SWT1: variants seen among roughly 807,000 people sequenced by gnomAD.
SWT1 encodes SWT1 RNA endoribonuclease homolog.
Under a neutral mutation model 107.3 loss-of-function variants are expected in SWT1, and 33 were observed. That is an observed-to-expected ratio of 0.31 (90% CI 0.23 to 0.41). The LOEUF (loss-of-function observed/expected upper bound fraction) is 0.41. SWT1 is among the 10% of genes least tolerant of loss of function. SWT1 has a pLI of 1.00. For missense variants in SWT1, 898 were observed against 1,028.9 expected (o/e 0.87, Z 1.74); for synonymous variants, 345 against 348.3 (o/e 0.99, Z 0.11).
At chr1:185,228,901 T>C (rs1473165994) in intron 15 of SWT1, among the ~76,000 whole-genome samples, 2 of 152,150 alleles carry the variant, frequency 1.3e-5, no homozygotes, top group Non-Finnish European at 2.9e-5. Context: ...AGAACATGTC[T>C]ATATACATTG....
At chr1:185,261,381 C>T (rs1663005334) in intron 16 of SWT1, among the ~76,000 whole-genome samples, 1 of 151,992 alleles carries the variant, frequency 6.6e-6, no homozygotes, top group Admixed American at 6.6e-5. Flanking sequence ...ATGTGTATAC[C>T]ACATTTTTCC....
intron 16 of SWT1, among the ~76,000 whole-genome samples, chr1:185,266,273 C>T (rs540026978): frequency 9.9e-5 from 15 of 152,160 alleles, no homozygotes; most frequent in East Asian, 1.9e-4. Context: ...ACCGTGTTAG[C>T]CAGGATGGTC....
chr1:185,161,922 T>G (rs534008203), intron 2 of SWT1, among the ~76,000 whole-genome samples: 1 of 152,252 alleles, frequency 6.6e-6, no homozygotes. Context: ...CTGGCAAAGG[T>G]GAATATTCAC....
Position 185,231,638 on chromosome 1 carries a change from T to C in SWT1, c.2371T>C (p.Phe791Leu). ...SALTTSNIAS[F>L]EEAFICLQKL... is the part of the protein sequence containing the mutation. Reference sequence around the variant, plus strand: ...TCTGACTACTTCAAATATAGCATCATTTGAAGAAGCATTTATATGTCTTCA... The same window carrying C: ...TCTGACTACTTCAAATATAGCATCACTTGAAGAAGCATTTATATGTCTTCA... The change falls in exon 16 of 19, where the codon TTT becomes CTT. Residue 791 changes from phenylalanine (F) to leucine (L), a missense_variant. Phe to Leu is a conservative substitution (Grantham distance 22, BLOSUM62 0). This residue lies in a region of SWT1 where 382 missense variants were observed against 460.0 expected (regional missense o/e 0.83). Coordinates refer to ENST00000367500, the MANE Select transcript of SWT1 (RefSeq NM_017673.7). 1 of 1,609,118 alleles carries C rather than the reference T, an allele frequency of 6.2e-7. No homozygotes were observed. The highest frequency in any genetic ancestry group is 1.1e-5 in the South Asian group (1 of 90,944).
intron 16 of SWT1, among the ~76,000 whole-genome samples, chr1:185,258,184 T>A (rs1311649793): frequency 6.6e-6 from 1 of 152,148 alleles, no homozygotes; most frequent in Non-Finnish European, 1.5e-5. Context: ...ACGTAATAAA[T>A]GTGTACTTGA....
chr1:185,242,510 ACT>A (rs1343807926), intron 16 of SWT1, among the ~76,000 whole-genome samples: 11 of 152,232 alleles, frequency 7.2e-5, no homozygotes, highest in African/African-American at 2.6e-4. Context: ...CTCCGCTGAT[ACT>A]TATATCAGCG....
At chr1:185,259,654 C>T (rs970490859) in intron 16 of SWT1, among the ~76,000 whole-genome samples, 11 of 151,956 alleles carry the variant, frequency 7.2e-5, no homozygotes, top group African/African-American at 2.4e-4. Context: ...CTTGCTGACT[C>T]CTGGGGACAT....
chr1:185,266,208 C>A (rs548229304), intron 16 of SWT1, among the ~76,000 whole-genome samples: 1 of 151,510 alleles, frequency 6.6e-6, no homozygotes, highest in Non-Finnish European at 1.5e-5. Flanking sequence ...GGACTACAGG[C>A]GCCCGCCACC....
At chr1:185,266,647 A>T (rs1571664647) in intron 16 of SWT1, 1 of 149,902 alleles carries the variant, frequency 6.7e-6, no homozygotes, top group Non-Finnish European at 1.5e-5. Context: ...TTTTTTTTAA[A>T]CCTTGAGTGG....
intron 16 of SWT1, among the ~76,000 whole-genome samples, chr1:185,236,192 A>C (rs1660861247): frequency 6.6e-6 from 1 of 152,214 alleles, no homozygotes; most frequent in Non-Finnish European, 1.5e-5. Flanking sequence ...AATTGGAAAA[A>C]ACTACTTTAA....
Position 185,204,620 on chromosome 1 carries a change from GTT to G in SWT1, c.1670-78_1670-77del, listed in dbSNP as rs1170173229. 7.6e-6 allele frequency: 5 copies of G among 655,376 alleles called. No individual in the cohort carries two copies. In the African/African-American group the frequency reaches 7.8e-5, roughly 10 times the overall value. The allele number at this position is 655,376 out of a possible 1,614,324, so 40.6% of individuals were successfully genotyped here. A position where few individuals can be genotyped will look rare whatever the true frequency, so the allele number is the denominator to read the frequency against. On this transcript the variant is annotated intron_variant, in intron 11 of 18. Coordinates refer to ENST00000367500, the MANE Select transcript of SWT1 (RefSeq NM_017673.7). ...AAAATATATACATAAAATGTTTACT[GTT>G]TATGGCAATATACTAATTATATGTA...
chr1:185,272,812 G>A (rs1377280566), intron 17 of SWT1, among the ~76,000 whole-genome samples: 1 of 152,052 alleles, frequency 6.6e-6, no homozygotes, highest in East Asian at 1.9e-4. Flanking sequence ...GAGGTCAGTG[G>A]ATCGCTTGAA....
At chr1:185,233,430 G>A (rs1464236964) in intron 16 of SWT1, among the ~76,000 whole-genome samples, 2 of 151,932 alleles carry the variant, frequency 1.3e-5, no homozygotes, top group East Asian at 3.9e-4. Flanking sequence ...TTTCTCTTGT[G>A]GGCATTTAGT....
intron 1 of SWT1, 136 bp downstream of exon 1, chr1:185,157,450 G>A (rs1466397183): frequency 6.6e-6 from 1 of 152,628 alleles, no homozygotes; most frequent in African/African-American, 2.4e-5. Context: ...GCGACTCTGT[G>A]GGCGGGTCCG....
At chr1:185,187,531 C>T (rs1305039937) in intron 9 of SWT1, among the ~76,000 whole-genome samples, 2 of 151,992 alleles carry the variant, frequency 1.3e-5, no homozygotes, top group Admixed American at 6.6e-5. Flanking sequence ...GGCCCTGTAA[C>T]AGTGAATAAG....
Position 185,174,964 on chromosome 1 carries a change from T to G in SWT1, c.817T>G (p.Ser273Ala). 6.2e-7 allele frequency: 1 copy of G among 1,613,924 alleles called. No individual in the cohort carries two copies. Among genetic ancestry groups the G allele is most frequent in the South Asian group, 1.1e-5 (1 of 91,046 alleles). The change falls in exon 5 of 19, where the codon TCC becomes GCC. Residue 273 changes from serine to alanine, a missense_variant. Transcript: ENST00000367500. ...GGAAGAAAGAGAATACCTGGAAAGC[T>G]CCCAGGTTTCATTAAATGTGACTAG... ...KQEEREYLES[S>A]QVSLNVTRQK...
At chr1:185,161,916 C>G (rs921854996) in intron 2 of SWT1, among the ~76,000 whole-genome samples, 6 of 152,122 alleles carry the variant, frequency 3.9e-5, no homozygotes, top group Non-Finnish European at 7.4e-5. Flanking sequence ...ACTAATCTGG[C>G]AAAGGTGAAT....
Position 185,204,866 on chromosome 1 carries a change from G to T in SWT1, c.1833+3G>T, listed in dbSNP as rs1658184204. On this transcript the variant is annotated splice_donor_region_variant and intron_variant, in intron 12 of 18. Transcript: ENST00000367500. ...CTTTTGGAAACCTTTGGATGGAGGT[G>T]ATTAGTTGAACTCTATTAGTTGAAA... 6.5e-7 allele frequency: 1 copy of T among 1,539,260 alleles called. No individual in the cohort carries two copies. Among genetic ancestry groups the T allele is most frequent in the African/African-American group, 1.4e-5 (1 of 71,000 alleles).
At chr1:185,192,525 C>G (rs1004509722) in intron 10 of SWT1, among the ~76,000 whole-genome samples, 2 of 152,110 alleles carry the variant, frequency 1.3e-5, no homozygotes, top group African/African-American at 4.8e-5. Flanking sequence ...CTCAAGTGAT[C>G]CTCCTTCCTC....
Sources: gnomAD v4.1 joint callset for allele counts (sites outside exome capture counted in the v4.1 genomes callset) on GRCh38, gnomAD v4.1.1 for gene constraint, gnomAD v4.1.1 regional missense constraint, MANE v1.5 for transcripts, NCBI Gene and HGNC (gene_info 2026-07-23, HGNC 2026-07-21) for gene names.